The following ARID1A variants were observed in gnomAD, a reference collection of about 807,000 sequenced individuals.
ARID1A encodes the protein AT-rich interactive domain-containing protein 1A.
Under a neutral mutation model 212.6 loss-of-function variants are expected in ARID1A, and 20 were observed. That is an observed-to-expected ratio of 0.09 (90% CI 0.07 to 0.14). The LOEUF is 0.14. ARID1A is among the 10% of genes least tolerant of loss of function. The pLI, the probability that ARID1A is intolerant of heterozygous loss-of-function variation, is 1.00. For synonymous variants in ARID1A, 1,376 were observed against 1,222.1 expected (o/e 1.13, Z -2.63); for missense variants, 2,587 against 3,059.0 (o/e 0.85, Z 3.64).
At chr1:26,768,663 A>G (rs1349535194) in intron 11 of ARID1A, among the ~76,000 whole-genome samples, 1 of 152,212 alleles carries the variant, frequency 6.6e-6, no homozygotes, top group Non-Finnish European at 1.5e-5. Flanking sequence ...GTTATTCTGT[A>G]TGGGAAACTT....
chr1:26,759,910 A>G (rs1032535592), intron 4 of ARID1A, among the ~76,000 whole-genome samples: 7 of 152,176 alleles, frequency 4.6e-5, no homozygotes, highest in East Asian at 1.9e-4. Context: ...TTCTCATCCA[A>G]TGTCTCTCTT....
At chr1:26,714,125 A>G (rs1481977058) in intron 1 of ARID1A, among the ~76,000 whole-genome samples, 1 of 152,236 alleles carries the variant, frequency 6.6e-6, no homozygotes, top group African/African-American at 2.4e-5. Flanking sequence ...ACTTGGTTAT[A>G]CTGGCCAGAG....
chr1:26,746,479 A>G (rs1317380755), intron 4 of ARID1A, among the ~76,000 whole-genome samples: 1 of 152,190 alleles, frequency 6.6e-6, no homozygotes, highest in Non-Finnish European at 1.5e-5. Context: ...TGAACAGAAA[A>G]TGAGCCAAGT....
chr1:26,779,295 G>C lies in ARID1A; in HGVS notation c.5397G>C (p.Glu1799Asp), dbSNP rs966792674. The C allele has an allele frequency of 6.2e-7, 1 of 1,614,254 alleles. No homozygotes were observed. Among genetic ancestry groups the C allele is most frequent in the Admixed American group, 1.7e-5 (1 of 60,036 alleles). The change falls in exon 20 of 20, where the codon GAG becomes GAC. Residue 1799 changes from glutamate to aspartate, a missense_variant. Physicochemically the swap from Glu to Asp is conservative, Grantham distance 45 (BLOSUM62 2). Around this residue, in one of 11 missense-constraint regions of ARID1A, gnomAD observed 890 missense variants for 1,098.2 expected, o/e 0.81. Transcript: ENST00000324856. The stretch of plus-strand genomic sequence containing the variant: ...CAGGCAAGGACAAGCCAGCTTCAGA[G>C]AATAGTGAGGAGAAGCTGATCAGTA... ...AFSGKDKPAS[E>D]NSEEKLISKF...
intron 1 of ARID1A, among the ~76,000 whole-genome samples, chr1:26,699,319 C>T (rs1363360480): frequency 6.6e-6 from 1 of 152,148 alleles, no homozygotes; most frequent in Non-Finnish European, 1.5e-5. Context: ...CATGCTCTGT[C>T]AGCAGTGCTT....
chr1:26,730,494 T>G (rs996926379), intron 2 of ARID1A, among the ~76,000 whole-genome samples: 7 of 152,334 alleles, frequency 4.6e-5, no homozygotes, highest in African/African-American at 1.7e-4. Context: ...ATAAAACAAA[T>G]TTTACTTCTA....
At position 26,773,882 on chromosome 1, in the gene ARID1A, A is replaced by G. The variant is rs2081109148; in HGVS notation, c.4085A>G (p.Tyr1362Cys). 5 of 1,614,176 alleles carry G rather than the reference A, an allele frequency of 3.1e-6. No individual in the cohort carries two copies. Among genetic ancestry groups the G allele is most frequent in the Non-Finnish European group, 4.2e-6 (5 of 1,180,008 alleles). ...SPFPSQQTTM[Y>C]QQQQQNYKRP... is the part of the protein sequence containing the mutation. Reference sequence around the variant, plus strand: ...TTCCCCAGCCAGCAGACTACAATGTATCAACAGCAACAGCAGGTGAGGAGG... The same window carrying G: ...TTCCCCAGCCAGCAGACTACAATGTGTCAACAGCAACAGCAGGTGAGGAGG... The change falls in exon 17 of 20, where the codon TAT becomes TGT. Residue 1362 changes from tyrosine to cysteine, a missense_variant. Coordinates refer to ENST00000324856, the MANE Select transcript of ARID1A (RefSeq NM_006015.6).
At chr1:26,776,419 G>A (rs1447027072) in intron 19 of ARID1A, among the ~76,000 whole-genome samples, 8 of 151,708 alleles carry the variant, frequency 5.3e-5, no homozygotes, top group Non-Finnish European at 1.0e-4. Flanking sequence ...GACTACAGGC[G>A]CCCGCCACCA....
rs1570616831 is a variant in ARID1A at position 26,775,091 on chromosome 1, G to T, written c.4864G>T (p.Ala1622Ser). ...KMQKAGPPVP[A>S]SHIAPAPVQP... ...GCAGAAGGCAGGTCCCCCAGTACCTGCCTCGCACATAGCACCTGCCCCTGT... is the reference window on the plus strand; with the variant it reads ...GCAGAAGGCAGGTCCCCCAGTACCTTCCTCGCACATAGCACCTGCCCCTGT... Residue 1622 changes from alanine (A) to serine (S), a missense_variant, in exon 18 of 20, where the codon GCC becomes TCC. Around this residue, in one of 11 missense-constraint regions of ARID1A, gnomAD observed 890 missense variants for 1,098.2 expected, o/e 0.81. Transcript: ENST00000324856. 6.2e-7 allele frequency: 1 copy of T among 1,612,788 alleles called. No homozygotes were observed. Among genetic ancestry groups the T allele is most frequent in the Non-Finnish European group, 8.5e-7 (1 of 1,179,576 alleles).
rs775685865 is a variant in ARID1A, at chr1:26,771,214, G to A, written c.3294G>A (p.Gln1098=). Residue 1098 remains glutamine (Q), a synonymous_variant, in exon 12 of 20, where the codon CAG becomes CAA. Coordinates refer to ENST00000324856, the MANE Select transcript of ARID1A (RefSeq NM_006015.6). The surrounding 1 kb of genome is among the most constrained non-coding windows in gnomAD (Gnocchi z 5.4). ...AASSLKKQYI[Q]CLYAFECKIE... ...GCTCCTTGAAAAAGCAGTATATCCAGTGTCTCTATGCCTTTGAATGCAAGA... is the reference window on the plus strand; with the variant it reads ...GCTCCTTGAAAAAGCAGTATATCCAATGTCTCTATGCCTTTGAATGCAAGA... 1 of 1,614,184 alleles carries A rather than the reference G, an allele frequency of 6.2e-7. No homozygotes were observed. The highest frequency in any genetic ancestry group is 8.5e-7 in the Non-Finnish European group (1 of 1,180,034).
intron 4 of ARID1A, among the ~76,000 whole-genome samples, chr1:26,760,557 T>C (rs2080981610): frequency 6.6e-6 from 1 of 151,964 alleles, no homozygotes; most frequent in South Asian, 2.1e-4. Context: ...GGCGTGGTGG[T>C]GCTTGCCTGT....
intron 1 of ARID1A, among the ~76,000 whole-genome samples, chr1:26,702,712 A>G (rs2080342997): frequency 6.6e-6 from 1 of 152,192 alleles, no homozygotes; most frequent in Non-Finnish European, 1.5e-5. Flanking sequence ...GCTGGGGGGC[A>G]GTGAGTGTGG....
At chr1:26,738,143 C>T (rs1205225789) in intron 4 of ARID1A, among the ~76,000 whole-genome samples, 1 of 151,856 alleles carries the variant, frequency 6.6e-6, no homozygotes, top group Admixed American at 6.6e-5. Context: ...CCTGCCTCAG[C>T]CTCCCAGGTA....
intron 19 of ARID1A, among the ~76,000 whole-genome samples, chr1:26,777,081 T>G (rs80285234): frequency 1.3e-5 from 2 of 150,744 alleles, no homozygotes; most frequent in African/African-American, 4.9e-5. Context: ...AAAGCCAGAA[T>G]TTTTTTTTTA....
chr1:26,774,612 A>G lies in ARID1A; in HGVS notation c.4385A>G (p.Asp1462Gly), dbSNP rs2124119015. The change falls in exon 18 of 20, where the codon GAC (aspartate) becomes GGC (glycine). Residue 1462 changes from aspartate (D) to glycine (G), a missense_variant. Physicochemically the swap from Asp to Gly is moderately conservative, Grantham distance 94. Around this residue, in one of 11 missense-constraint regions of ARID1A, gnomAD observed 890 missense variants for 1,098.2 expected, o/e 0.81. Transcript: ENST00000324856. This position sits in a 1 kb window ranked among gnomAD's most constrained non-coding sequence, Gnocchi z 5.6. ...QNQFPFQFGRDRVSAPPGTNA... is the reference protein window; with the variant it reads ...QNQFPFQFGRGRVSAPPGTNA... ...CAATTTCCATTCCAGTTTGGCCGAG[A>G]CCGTGTCTCTGCACCCCCTGGCACC... 2 of 1,614,210 alleles carry G rather than the reference A, an allele frequency of 1.2e-6. No individual in the cohort carries two copies. The highest frequency in any genetic ancestry group is 4.5e-5 in the East Asian group (2 of 44,874).
rs1169151598 is a variant in ARID1A, at chr1:26,774,190, G to A, written c.4102-139G>A. 7.0e-7 allele frequency: 1 copy of A among 1,434,362 alleles called. No individual in the cohort carries two copies. Among genetic ancestry groups the A allele is most frequent in the African/African-American group, 1.4e-5 (1 of 69,952 alleles). 88.9% of individuals were successfully genotyped at this position (1,434,362 alleles called of 1,614,324 possible). A position where few individuals can be genotyped will look rare whatever the true frequency, so the allele number is the denominator to read the frequency against. On this transcript the variant is annotated intron_variant, in intron 17 of 19. Coordinates refer to ENST00000324856, the MANE Select transcript of ARID1A (RefSeq NM_006015.6). This position sits in a 1 kb window ranked among gnomAD's most constrained non-coding sequence, Gnocchi z 5.6. ...GTTGCTTTTGGAAACAACTTCAAAA[G>A]ACAATTTGTTAAGGTGATTCCCATG...
At chr1:26,769,090 C>G (rs2124090686) in intron 11 of ARID1A, 1 of 152,328 alleles carries the variant, frequency 6.6e-6, no homozygotes, top group Middle Eastern at 3.4e-3. Context: ...GAAGCAAAGC[C>G]ACGGAAGGCT....
At chr1:26,778,329 G>A (rs936895098) in intron 19 of ARID1A, 14 of 151,834 alleles carry the variant, frequency 9.2e-5, no homozygotes, top group Non-Finnish European at 1.8e-4. Context: ...GATCTAATTC[G>A]AAAGCCCTTA....
intron 4 of ARID1A, among the ~76,000 whole-genome samples, chr1:26,749,323 T>A (rs2080864982): frequency 6.6e-6 from 1 of 152,154 alleles, no homozygotes; most frequent in Admixed American, 6.5e-5. Flanking sequence ...GAGGAGCACC[T>A]TCTCATCTAT....
Sources: allele counts gnomAD v4.1 joint callset (sites outside exome capture counted in the v4.1 genomes callset), GRCh38; gene constraint gnomAD v4.1.1; regional missense constraint gnomAD v4.1.1; non-coding constraint Gnocchi (gnomAD v3.1); transcripts MANE v1.5; gene names NCBI Gene and HGNC (gene_info 2026-07-23, HGNC 2026-07-21).